Variants in LAMA2 observed in about 807,000 individuals in gnomAD.
LAMA2 encodes laminin subunit alpha-2.
LAMA2 carries 269 observed loss-of-function variants against 364.8 expected under a neutral mutation model. That is an observed-to-expected ratio of 0.74 (90% CI 0.67 to 0.82). The LOEUF is 0.82. Among genes scored for constraint, LAMA2 ranks in the 40% least tolerant of loss-of-function variants. LAMA2 has a pLI of 0.00. For missense variants in LAMA2, 3,807 were observed against 3,873.2 expected (o/e 0.98, Z 0.45); for synonymous variants, 1,379 against 1,370.6 (o/e 1.01, Z -0.14).
intron 1 of LAMA2, among the ~76,000 whole-genome samples, chr6:129,004,732 A>G (rs546755622): frequency 1.7e-3 from 261 of 152,268 alleles, no homozygotes; most frequent in Non-Finnish European, 2.8e-3. Flanking sequence ...TCCTAATGCT[A>G]TACACTATTA....
chr6:128,893,630 A>G (rs1384883424), intron 1 of LAMA2, among the ~76,000 whole-genome samples: 3 of 151,958 alleles, frequency 2.0e-5, no homozygotes, highest in South Asian at 2.1e-4. Flanking sequence ...CAGTGAAATT[A>G]TAAAACTATC....
intron 28 of LAMA2, among the ~76,000 whole-genome samples, chr6:129,323,761 C>A (rs1321860166): frequency 6.6e-6 from 1 of 152,156 alleles, no homozygotes; most frequent in Non-Finnish European, 1.5e-5. Flanking sequence ...AATATTCAGC[C>A]TTGCGTGTGC....
chr6:129,407,891 T>G (rs766471265), intron 40 of LAMA2, among the ~76,000 whole-genome samples: 1 of 152,230 alleles, frequency 6.6e-6, no homozygotes, highest in Non-Finnish European at 1.5e-5. Flanking sequence ...CATTGTGGAA[T>G]AGTAGACTGA....
At chr6:128,929,534 C>T (rs2114510437) in intron 1 of LAMA2, 1 of 933,934 alleles carries the variant, frequency 1.1e-6, no homozygotes, top group African/African-American at 1.6e-5. Context: ...TGTAGAGAAA[C>T]TCCTGAGCGA....
rs1214198032 is a variant in LAMA2, at chr6:129,346,954, C to T, written c.4437-2344C>T. Among the ~76,000 whole-genome samples the T allele has an allele frequency of 3.3e-5, 5 of 152,082 alleles. No homozygotes were observed. The East Asian group carries it at 9.6e-4, about 29-fold the overall frequency. On this transcript the variant is annotated intron_variant, in intron 30 of 64. Coordinates refer to ENST00000421865, the MANE Select transcript of LAMA2 (RefSeq NM_000426.4). The stretch of plus-strand genomic sequence containing the variant: ...GAATACCTGCAGGAAGAACAGTCCC[C>T]TCAGAGAAAAAAGTCACTGCACTGG...
intron 1 of LAMA2, among the ~76,000 whole-genome samples, chr6:129,041,821 A>G (rs1787119338): frequency 6.6e-6 from 1 of 152,054 alleles, no homozygotes; most frequent in African/African-American, 2.4e-5. Context: ...TGGGCAACAT[A>G]GTGAGACCAT....
chr6:129,303,461 T>C (rs1773673822), intron 22 of LAMA2, among the ~76,000 whole-genome samples: 1 of 152,148 alleles, frequency 6.6e-6, no homozygotes, highest in Non-Finnish European at 1.5e-5. Flanking sequence ...TGACTAGAAG[T>C]GGTGGAAGCA....
intron 4 of LAMA2, among the ~76,000 whole-genome samples, chr6:129,109,140 T>A (rs905566859): frequency 6.6e-5 from 10 of 152,054 alleles, no homozygotes; most frequent in African/African-American, 1.9e-4. Context: ...CCGTATTAAA[T>A]AGGCTAGTGA....
intron 39 of LAMA2, 144 bp downstream of exon 39, chr6:129,402,631 G>C (rs556063672): frequency 2.4e-6 from 2 of 831,726 alleles, no homozygotes; most frequent in Admixed American, 2.1e-5. Flanking sequence ...CTGTGGATAG[G>C]CTTAATTAGG....
intron 1 of LAMA2, among the ~76,000 whole-genome samples, chr6:128,884,035 C>G (rs966394983): frequency 1.3e-5 from 2 of 151,976 alleles, no homozygotes; most frequent in African/African-American, 4.8e-5. Context: ...ACAGAGGAGA[C>G]TTCTATGTCA....
intron 14 of LAMA2, among the ~76,000 whole-genome samples, chr6:129,253,762 T>G (rs1786430769): frequency 6.6e-6 from 1 of 152,200 alleles, no homozygotes; most frequent in Admixed American, 6.5e-5. Flanking sequence ...TCCCCCTGAT[T>G]TATGTTGGAC....
chr6:128,923,987 A>G (rs555533137), intron 1 of LAMA2, among the ~76,000 whole-genome samples: 245 of 152,248 alleles, frequency 1.6e-3, no homozygotes, highest in African/African-American at 5.6e-3. Flanking sequence ...CATTTTTACA[A>G]TCTAAGAATA....
At chr6:129,057,795 G>A (rs768820982) in intron 2 of LAMA2, among the ~76,000 whole-genome samples, 3 of 152,088 alleles carry the variant, frequency 2.0e-5, no homozygotes, top group African/African-American at 7.2e-5. Flanking sequence ...TGCAATATTA[G>A]GTAGGCAAAT....
Position 129,315,861 on chromosome 6 carries a change from G to A in LAMA2, c.3835G>A (p.Gly1279Arg). The A allele has an allele frequency of 6.2e-7, 1 of 1,613,968 alleles. No homozygotes were observed. Among genetic ancestry groups the A allele is most frequent in the Non-Finnish European group, 8.5e-7 (1 of 1,179,898 alleles). ...TYNPQVIIRG[G>R]TPTHARIIVR... ...TAATCCTCAAGTGATCATTCGAGGT[G>A]GGACACCTACTCATGCTAGAATTAT... Residue 1279 changes from glycine (G) to arginine (R), a missense_variant, in exon 26 of 65, where the codon GGG becomes AGG. Coordinates refer to ENST00000421865, the MANE Select transcript of LAMA2 (RefSeq NM_000426.4).
At chr6:129,265,115 A>T (rs969675518) in intron 15 of LAMA2, among the ~76,000 whole-genome samples, 3 of 152,136 alleles carry the variant, frequency 2.0e-5, no homozygotes, top group Non-Finnish European at 2.9e-5. Context: ...TGAGAAGATA[A>T]CAGATGCTGG....
intron 1 of LAMA2, among the ~76,000 whole-genome samples, chr6:128,918,429 T>A (rs1456021673): frequency 6.6e-6 from 1 of 152,164 alleles, no homozygotes; most frequent in Admixed American, 6.5e-5. Flanking sequence ...TTCTAAATCA[T>A]CTCAAGTGAA....
intron 1 of LAMA2, among the ~76,000 whole-genome samples, chr6:128,961,349 ATATATATATATATATATATT>A (rs1333218474): frequency 4.6e-5 from 3 of 64,998 alleles, no homozygotes; most frequent in Admixed American, 1.4e-4. Context: ...ATATATATAT[ATATATATATATATATATATT>A]AGTTTATTAA....
intron 60 of LAMA2, 28 bp downstream of exon 60, chr6:129,503,308 C>A (rs1323160488): frequency 1.9e-6 from 3 of 1,597,168 alleles, no homozygotes; most frequent in Non-Finnish European, 2.6e-6. Flanking sequence ...ATTGGCAGTA[C>A]CCTAAGGGAA....
intron 45 of LAMA2, 115 bp from the exon 46 acceptor site, chr6:129,452,873 A>G (rs772602116): frequency 9.0e-6 from 8 of 886,638 alleles, no homozygotes; most frequent in Non-Finnish European, 1.5e-5. Flanking sequence ...ATAGTATTTG[A>G]TGATAGAAAA....
Sources: gnomAD v4.1 joint callset for allele counts (sites outside exome capture counted in the v4.1 genomes callset) on GRCh38, gnomAD v4.1.1 for gene constraint, MANE v1.5 for transcripts, NCBI Gene and HGNC (gene_info 2026-07-23, HGNC 2026-07-21) for gene names.